STARD3: variants seen among roughly 807,000 people sequenced by gnomAD.
STARD3 encodes stAR-related lipid transfer protein 3.
In STARD3, 39 loss-of-function variants were observed where a neutral mutation model predicts 62.0. The ratio of observed to expected loss-of-function variants is 0.63; its 90% CI spans 0.49 to 0.82. The LOEUF (loss-of-function observed/expected upper bound fraction) is 0.82. Among genes scored for constraint, STARD3 ranks in the 40% least tolerant of loss-of-function variants. STARD3 has a pLI of 0.00. For synonymous variants in STARD3, 229 were observed against 242.4 expected (o/e 0.94, Z 0.51); for missense variants, 543 against 584.5 (o/e 0.93, Z 0.73).
chr17:39,657,150 CT>C (rs1220277550), intron 3 of STARD3, 65 bp downstream of exon 3: 2 of 1,505,180 alleles, frequency 1.3e-6, no homozygotes, highest in Non-Finnish European at 1.8e-6. Flanking sequence ...ATGACTTCTG[CT>C]GGGTTCTCTT....
intron 1 of STARD3, among the ~76,000 whole-genome samples, chr17:39,651,551 G>A (rs2057077953): frequency 6.6e-6 from 1 of 151,998 alleles, no homozygotes; most frequent in South Asian, 2.1e-4. Flanking sequence ...TTGCCTCCCC[G>A]CTTCAGCTCC....
rs777705814 is a variant in STARD3 at position 39,661,038 on chromosome 17, G to T, written c.1092G>T (p.Gly364=). 8 of 1,613,778 alleles carry T rather than the reference G, an allele frequency of 5.0e-6. No individual in the cohort carries two copies. The East Asian group carries it at 1.6e-4, about 31-fold the overall frequency. Residue 364 remains glycine (G), a synonymous_variant, in exon 13 of 15, where the codon GGG becomes GGT. Transcript: ENST00000336308. ...GCAGGGACCGATACTTGTCATCAGG[G>T]ATCGCCACCTCACACAGTGCCAAGC... The part of the protein sequence containing the change: ...ERRRDRYLSS[G]IATSHSAKPP...
At chr17:39,645,933 C>T (rs551269615) in intron 1 of STARD3, among the ~76,000 whole-genome samples, 2 of 140,890 alleles carry the variant, frequency 1.4e-5, no homozygotes, top group African/African-American at 5.5e-5. Flanking sequence ...ACTCTGTCAC[C>T]CAGACTGGAA....
chr17:39,647,358 C>G (rs1284131836), intron 1 of STARD3, among the ~76,000 whole-genome samples: 1 of 152,210 alleles, frequency 6.6e-6, no homozygotes, highest in African/African-American at 2.4e-5. Flanking sequence ...CCTGACACTT[C>G]TGAAGGTGCT....
chr17:39,640,641 C>T (rs897542975), intron 1 of STARD3, among the ~76,000 whole-genome samples: 11 of 151,294 alleles, frequency 7.3e-5, no homozygotes, highest in Non-Finnish European at 1.5e-4. Flanking sequence ...CATAGCAGCA[C>T]GAAGAGGGCA....
Position 39,658,532 on chromosome 17 carries a change from T to A in STARD3, c.547+10T>A. 6.2e-7 allele frequency: 1 copy of A among 1,612,356 alleles called. No homozygotes were observed. On this transcript the variant is annotated intron_variant, in intron 6 of 14. Transcript: ENST00000336308. ...GCTGAAGAGGAGCGATGTGAGTGCT[T>A]GCGGGTAGGGGGGTGCAGCGAGGGT...
At chr17:39,638,004 T>C (rs2144871080) in intron 1 of STARD3, among the ~76,000 whole-genome samples, 1 of 152,338 alleles carries the variant, frequency 6.6e-6, no homozygotes, top group Middle Eastern at 3.4e-3. Context: ...ACAGCTCTGC[T>C]TCACATGGAG....
At position 39,663,459 on chromosome 17, in the gene STARD3, A is replaced by G. The variant is rs1051408483; in HGVS notation, c.*551A>G. ...GGACCTTTGTATTAAGCCAATTAAA[A>G]ACATGAATTTAAAAAAAAAAAAAAA... On this transcript the variant is annotated 3_prime_UTR_variant, in exon 15 of 15. Transcript: ENST00000336308. 5.8e-5 allele frequency: 10 copies of G among 172,852 alleles called. No individual in the cohort carries two copies. Among genetic ancestry groups the G allele is most frequent in the Non-Finnish European group, 8.5e-5 (7 of 82,674 alleles). 10.7% of individuals were successfully genotyped at this position (172,852 alleles called of 1,614,324 possible).
chr17:39,641,276 G>A (rs1211626743), intron 1 of STARD3, among the ~76,000 whole-genome samples: 4 of 152,134 alleles, frequency 2.6e-5, no homozygotes, highest in Non-Finnish European at 5.9e-5. Context: ...GGACCTCAAG[G>A]GCTTAGGACA....
At chr17:39,641,818 A>C (rs2056985135) in intron 1 of STARD3, among the ~76,000 whole-genome samples, 1 of 152,076 alleles carries the variant, frequency 6.6e-6, no homozygotes, top group Admixed American at 6.6e-5. Flanking sequence ...CCAACCCCAA[A>C]CCCACACCCT....
chr17:39,661,909 G>T (rs1201195006), intron 13 of STARD3, among the ~76,000 whole-genome samples: 1 of 152,196 alleles, frequency 6.6e-6, no homozygotes, highest in Non-Finnish European at 1.5e-5. Flanking sequence ...GGTAAGAAGC[G>T]CCAGCCCAGC....
chr17:39,637,627 T>A (rs998023021), intron 1 of STARD3: 2 of 152,240 alleles, frequency 1.3e-5, no homozygotes, highest in African/African-American at 2.4e-5. Context: ...TGTCATCCCG[T>A]GTCTCCCCAA....
chr17:39,651,995 C>G (rs544829710), intron 1 of STARD3: 22 of 152,346 alleles, frequency 1.4e-4, no homozygotes, highest in African/African-American at 5.1e-4. Context: ...TGCCAGAGTT[C>G]CTTTTGTCTT....
chr17:39,642,985 C>T (rs142588338), intron 1 of STARD3, among the ~76,000 whole-genome samples: 4 of 152,070 alleles, frequency 2.6e-5, no homozygotes, highest in Admixed American at 6.6e-5. Flanking sequence ...TGGGGACTTA[C>T]GCCTTTATTC....
In STARD3 at chr17:39,663,732, G is replaced by A. The variant is rs1037217379; in HGVS notation, c.*824G>A. On this transcript the variant is annotated 3_prime_UTR_variant, in exon 15 of 15. Coordinates refer to ENST00000336308, the MANE Select transcript of STARD3 (RefSeq NM_006804.4). Reference sequence around the variant, plus strand: ...CCCCGCCCCCTGCCAGGCTTCAGCGGGGCAAGTTTAAAGTCTCTAGTCCAG... The same window carrying A: ...CCCCGCCCCCTGCCAGGCTTCAGCGAGGCAAGTTTAAAGTCTCTAGTCCAG... Among the ~76,000 whole-genome samples, 2 of 151,370 alleles carry A rather than the reference G, an allele frequency of 1.3e-5. No individual in the cohort carries two copies. The highest frequency in any genetic ancestry group is 2.9e-5 in the Non-Finnish European group (2 of 67,898).
intron 1 of STARD3, among the ~76,000 whole-genome samples, chr17:39,649,695 C>T (rs1286162179): frequency 6.6e-6 from 1 of 151,690 alleles, no homozygotes; most frequent in Non-Finnish European, 1.5e-5. Flanking sequence ...GGTGAAACCT[C>T]ATCTCTACTA....
At chr17:39,645,552 C>T (rs1312063450) in intron 1 of STARD3, among the ~76,000 whole-genome samples, 1 of 151,812 alleles carries the variant, frequency 6.6e-6, no homozygotes, top group Non-Finnish European at 1.5e-5. Context: ...TCACTGCAAC[C>T]TCCGCTTCCC....
intron 13 of STARD3, chr17:39,661,360 C>T (rs553294283): frequency 1.4e-4 from 71 of 492,138 alleles, no homozygotes; most frequent in South Asian, 1.1e-3. Flanking sequence ...GATGGGGACC[C>T]GTGCAGGGAA....
chr17:39,658,712 G>A lies in STARD3; in HGVS notation c.548-10G>A. The A allele has an allele frequency of 1.9e-6, 3 of 1,613,908 alleles. No homozygotes were observed. The highest frequency in any genetic ancestry group is 1.6e-4 in the Middle Eastern group (1 of 6,062). ...CTGTCCTCGGTCCGGGACCGAGTCT[G>A]CTCCTCCAGGGTATCTTGCCGCCCA... is the stretch of plus-strand genomic sequence containing the variant. On this transcript the variant is annotated splice_polypyrimidine_tract_variant and intron_variant, in intron 6 of 14. Coordinates refer to ENST00000336308, the MANE Select transcript of STARD3 (RefSeq NM_006804.4).
Sources: allele counts gnomAD v4.1 joint callset (sites outside exome capture counted in the v4.1 genomes callset), GRCh38; gene constraint gnomAD v4.1.1; transcripts MANE v1.5; gene names NCBI Gene and HGNC (gene_info 2026-07-23, HGNC 2026-07-21).